The following MTMR12 variants were observed in gnomAD, a reference collection of about 807,000 sequenced individuals.
MTMR12 encodes the protein myotubularin-related protein 12.
MTMR12 carries 33 observed loss-of-function variants against 96.7 expected under a neutral mutation model. The ratio of observed to expected loss-of-function variants is 0.34; its 90% CI spans 0.26 to 0.46. MTMR12 has a LOEUF of 0.46. Ranked by LOEUF, MTMR12 falls within the 20% of genes least tolerant of loss-of-function variation. MTMR12 has a pLI of 1.00. For synonymous variants in MTMR12, 298 were observed against 327.2 expected, an observed-to-expected ratio of 0.91 and a Z score of 0.96; for missense variants, 721 against 896.1, an observed-to-expected ratio of 0.80 and a Z score of 2.49.
rs754773771 is a variant in MTMR12, at chr5:32,228,597, T to TC, written c.*1180_*1181insG. ...ATATATATCATATATATGTGATATATATATATATATCATATATATGATATA... is the reference window on the plus strand; with the variant it reads ...ATATATATCATATATATGTGATATATCATATATATATCATATATATGATATA... On this transcript the variant is annotated 3_prime_UTR_variant, in exon 16 of 16. Transcript: ENST00000382142. The TC allele has an allele frequency of 4.8e-4, 38 of 79,416 alleles. No homozygotes were observed. Among genetic ancestry groups the TC allele is most frequent in the African/African-American group, 1.3e-3 (34 of 26,416 alleles). 4.9% of individuals were successfully genotyped at this position (79,416 alleles called of 1,614,324 possible). A position where few individuals can be genotyped will look rare whatever the true frequency, so the allele number is the denominator to read the frequency against.
At chr5:32,239,803 C>T (rs1349955123) in intron 12 of MTMR12, among the ~76,000 whole-genome samples, 1 of 152,224 alleles carries the variant, frequency 6.6e-6, no homozygotes, top group Non-Finnish European at 1.5e-5. Flanking sequence ...GAGGTGCCTG[C>T]TTCTCCTGCC....
chr5:32,307,163 GTTGT>G (rs1384144230), intron 1 of MTMR12, among the ~76,000 whole-genome samples: 5 of 152,132 alleles, frequency 3.3e-5, no homozygotes, highest in Non-Finnish European at 1.5e-5. Flanking sequence ...TACACTCCGA[GTTGT>G]TTATGTTTAT....
intron 3 of MTMR12, among the ~76,000 whole-genome samples, chr5:32,272,345 A>G (rs1267124399): frequency 1.3e-5 from 2 of 152,086 alleles, no homozygotes; most frequent in East Asian, 3.9e-4. Flanking sequence ...CGACATTCCT[A>G]AAAAAGGGAC....
intron 7 of MTMR12, among the ~76,000 whole-genome samples, chr5:32,261,880 G>A (rs992386346): frequency 6.6e-6 from 1 of 152,184 alleles, no homozygotes; most frequent in Non-Finnish European, 1.5e-5. Flanking sequence ...AGACCATCCT[G>A]GCTAACAGGG....
At chr5:32,298,383 TGAAAG>T (rs1262247170) in intron 1 of MTMR12, among the ~76,000 whole-genome samples, 2 of 152,020 alleles carry the variant, frequency 1.3e-5, no homozygotes, top group Admixed American at 1.3e-4. Flanking sequence ...AAGGCTCACT[TGAAAG>T]GAGAGAGAAG....
At chr5:32,250,093 G>A (rs1581601197) in intron 8 of MTMR12, among the ~76,000 whole-genome samples, 1 of 152,230 alleles carries the variant, frequency 6.6e-6, no homozygotes, top group African/African-American at 2.4e-5. Flanking sequence ...GAGAGTTAGA[G>A]ATCGGCATGA....
intron 10 of MTMR12, among the ~76,000 whole-genome samples, chr5:32,243,949 G>A (rs1748576149): frequency 6.6e-6 from 1 of 152,148 alleles, no homozygotes; most frequent in African/African-American, 2.4e-5. Flanking sequence ...TCTAGAAGTG[G>A]AAAATGCAAC....
intron 1 of MTMR12, among the ~76,000 whole-genome samples, chr5:32,299,708 T>C (rs1459911525): frequency 6.6e-6 from 1 of 152,222 alleles, no homozygotes; most frequent in Non-Finnish European, 1.5e-5. Context: ...GGAATCCTCA[T>C]AGAATCTTGG....
chr5:32,241,571 T>TC (rs1404386386), intron 12 of MTMR12, among the ~76,000 whole-genome samples: 1 of 152,248 alleles, frequency 6.6e-6, no homozygotes, highest in African/African-American at 2.4e-5. Context: ...ACACTTGCTT[T>TC]CGCACATTCT....
At chr5:32,236,244 C>A (rs1453462780) in intron 13 of MTMR12, among the ~76,000 whole-genome samples, 1 of 152,156 alleles carries the variant, frequency 6.6e-6, no homozygotes, top group African/African-American at 2.4e-5. Context: ...TCCCCCTTTT[C>A]TCAAGATATA....
intron 12 of MTMR12, among the ~76,000 whole-genome samples, chr5:32,239,590 C>A (rs1335594755): frequency 6.6e-6 from 1 of 152,150 alleles, no homozygotes; most frequent in Admixed American, 6.5e-5. Context: ...TCACTGAACT[C>A]CTCCTGGGGT....
intron 1 of MTMR12, among the ~76,000 whole-genome samples, chr5:32,299,556 A>ATAGAG (rs1311580473): frequency 6.6e-6 from 1 of 152,202 alleles, no homozygotes; most frequent in African/African-American, 2.4e-5. Context: ...CTCTATAAAC[A>ATAGAG]TTAAGTTAGG....
intron 7 of MTMR12, among the ~76,000 whole-genome samples, chr5:32,261,811 A>G (rs1389926552): frequency 6.6e-6 from 1 of 152,174 alleles, no homozygotes; most frequent in East Asian, 1.9e-4. Context: ...AATGGCTCAC[A>G]CCTGTAATCC....
At position 32,237,190 on chromosome 5, in the gene MTMR12, A is replaced by C. The variant is rs534811948; in HGVS notation, c.1344+1811T>G. 2.7e-4 allele frequency among the ~76,000 whole-genome samples: 41 copies of C among 152,296 alleles called. No individual in the cohort carries two copies. In the South Asian group the frequency reaches 8.1e-3, roughly 30 times the overall value. ...ATGCTGACTACCTGGAGTATGAAAA[A>C]CCACAAGTAACACTGCTAGCATACG... On this transcript the variant is annotated intron_variant, in intron 13 of 15. Transcript: ENST00000382142.
intron 1 of MTMR12, among the ~76,000 whole-genome samples, chr5:32,305,362 C>T (rs188523314): frequency 2.3e-4 from 35 of 152,126 alleles, no homozygotes; most frequent in Admixed American, 2.0e-3. Context: ...GATGAGACTA[C>T]GTGTGAGCCA....
intron 1 of MTMR12, among the ~76,000 whole-genome samples, chr5:32,301,725 T>C (rs1161689724): frequency 6.6e-6 from 1 of 151,968 alleles, no homozygotes; most frequent in East Asian, 1.9e-4. Flanking sequence ...ACCCTGTCTC[T>C]ACTAAAAATA....
chr5:32,296,160 A>G (rs1478064700), intron 1 of MTMR12, among the ~76,000 whole-genome samples: 2 of 150,922 alleles, frequency 1.3e-5, no homozygotes, highest in Non-Finnish European at 3.0e-5. Flanking sequence ...CTCTGTCTCA[A>G]AAAAAAAAAC....
At chr5:32,304,164 G>A (rs903557369) in intron 1 of MTMR12, among the ~76,000 whole-genome samples, 1 of 151,932 alleles carries the variant, frequency 6.6e-6, no homozygotes, top group Non-Finnish European at 1.5e-5. Flanking sequence ...TACTAAAAAT[G>A]CAAAAATCAG....
intron 12 of MTMR12, among the ~76,000 whole-genome samples, chr5:32,239,927 T>C (rs758376193): frequency 9.9e-5 from 15 of 152,198 alleles, no homozygotes; most frequent in Admixed American, 2.0e-4. Flanking sequence ...ATTCATGACT[T>C]AGAGCAAAAG....
Sources: gnomAD v4.1 joint callset for allele counts (sites outside exome capture counted in the v4.1 genomes callset) on GRCh38, gnomAD v4.1.1 for gene constraint, MANE v1.5 for transcripts, NCBI Gene and HGNC (gene_info 2026-07-23, HGNC 2026-07-21) for gene names.